The following SEMA3A variants were observed in gnomAD, a reference collection of about 807,000 sequenced individuals.
SEMA3A encodes semaphorin-3A.
In SEMA3A, 29 loss-of-function variants were observed where a neutral mutation model predicts 97.9. That is an observed-to-expected ratio of 0.30 (90% CI 0.22 to 0.40). The LOEUF (loss-of-function observed/expected upper bound fraction) is 0.40, where lower values mean the gene tolerates loss of function less well. SEMA3A is among the 10% of genes least tolerant of loss of function. The pLI is 1.00. For synonymous variants in SEMA3A, 321 were observed against 323.7 expected, an observed-to-expected ratio of 0.99 and a Z score of 0.09; for missense variants, 763 against 951.3, an observed-to-expected ratio of 0.80 and a Z score of 2.60.
At chr7:84,450,485 G>C (rs1415423372) in intron 1 of SEMA3A, among the ~76,000 whole-genome samples, 2 of 152,196 alleles carry the variant, frequency 1.3e-5, no homozygotes, top group African/African-American at 4.8e-5. Context: ...ATAAAATGCA[G>C]AGCTTAGTGC....
At chr7:84,208,714 G>C (rs1163524559) in intron 3 of SEMA3A, among the ~76,000 whole-genome samples, 2 of 152,104 alleles carry the variant, frequency 1.3e-5, no homozygotes, top group African/African-American at 2.4e-5. Context: ...AGCGATTTCT[G>C]GCATCTTAAG....
At chr7:84,297,183 G>C (rs534789078) in intron 3 of SEMA3A, among the ~76,000 whole-genome samples, 1 of 152,136 alleles carries the variant, frequency 6.6e-6, no homozygotes, top group Admixed American at 6.5e-5. Context: ...CACTATTTTG[G>C]TCAGGCTGGT....
chr7:84,143,302 G>A (rs1048502558), intron 1 of SEMA3A, among the ~76,000 whole-genome samples: 1 of 151,922 alleles, frequency 6.6e-6, no homozygotes, highest in Non-Finnish European at 1.5e-5. Flanking sequence ...AGTATAAGAG[G>A]AAAATATACA....
At chr7:84,284,682 T>C (rs756958629) in intron 3 of SEMA3A, among the ~76,000 whole-genome samples, 8 of 152,168 alleles carry the variant, frequency 5.3e-5, no homozygotes, top group Non-Finnish European at 8.8e-5. Flanking sequence ...TCTTATGAAC[T>C]GAATGATTTT....
At chr7:84,011,340 T>C (rs1790865965) in intron 7 of SEMA3A, 43 bp from the exon 8 acceptor site, 2 of 1,220,562 alleles carry the variant, frequency 1.6e-6, no homozygotes, top group East Asian at 4.7e-5. Flanking sequence ...TTAATGAAAA[T>C]GATAATTTGA....
chr7:84,040,549 G>T (rs1217085413), intron 6 of SEMA3A, among the ~76,000 whole-genome samples: 2 of 152,064 alleles, frequency 1.3e-5, no homozygotes, highest in Non-Finnish European at 2.9e-5. Context: ...TTGCAAACAG[G>T]CTTCTGTTTT....
At chr7:84,230,351 A>G (rs937268739) in intron 3 of SEMA3A, among the ~76,000 whole-genome samples, 1 of 152,014 alleles carries the variant, frequency 6.6e-6, no homozygotes, top group Non-Finnish European at 1.5e-5. Flanking sequence ...TTTTTAAATC[A>G]ATGTCTGTTG....
At chr7:84,308,731 G>C (rs1161656762) in intron 2 of SEMA3A, among the ~76,000 whole-genome samples, 1 of 152,074 alleles carries the variant, frequency 6.6e-6, no homozygotes, top group Non-Finnish European at 1.5e-5. Flanking sequence ...AAATGGTATT[G>C]ATCAGGAAGC....
At chr7:84,062,638 G>T (rs950854233) in intron 4 of SEMA3A, among the ~76,000 whole-genome samples, 2 of 152,166 alleles carry the variant, frequency 1.3e-5, no homozygotes, top group African/African-American at 4.8e-5. Flanking sequence ...TTCCCTTTCT[G>T]AGTCAAAGAA....
At chr7:84,441,792 T>TAA (rs1281049270) in intron 1 of SEMA3A, among the ~76,000 whole-genome samples, 3 of 152,180 alleles carry the variant, frequency 2.0e-5, no homozygotes, top group Non-Finnish European at 4.4e-5. Context: ...GTAAAATAGA[T>TAA]GTGACTGGTC....
At chr7:84,295,585 C>A (rs1800848331) in intron 3 of SEMA3A, among the ~76,000 whole-genome samples, 1 of 151,856 alleles carries the variant, frequency 6.6e-6, no homozygotes, top group Non-Finnish European at 1.5e-5. Flanking sequence ...ATTCTTTCGT[C>A]CTTATACTTA....
intron 1 of SEMA3A, among the ~76,000 whole-genome samples, chr7:84,184,281 A>G (rs1186043363): frequency 6.6e-6 from 1 of 152,158 alleles, no homozygotes; most frequent in East Asian, 1.9e-4. Context: ...AGATGTCTGT[A>G]TATTAGAATG....
At chr7:84,364,273 T>C (rs1403501863) in intron 2 of SEMA3A, among the ~76,000 whole-genome samples, 2 of 151,736 alleles carry the variant, frequency 1.3e-5, no homozygotes, top group Non-Finnish European at 2.9e-5. Context: ...ACATAATCCT[T>C]AGTCATATTC....
intron 4 of SEMA3A, among the ~76,000 whole-genome samples, chr7:84,095,320 CATTATATAT>C (rs1183889725): frequency 1.5e-5 from 2 of 132,822 alleles, no homozygotes; most frequent in African/African-American, 6.0e-5. Flanking sequence ...TTATATATGG[CATTATATAT>C]ATTATATATA....
At chr7:84,385,390 T>C (rs1001603766) in intron 1 of SEMA3A, among the ~76,000 whole-genome samples, 1 of 152,214 alleles carries the variant, frequency 6.6e-6, no homozygotes, top group Non-Finnish European at 1.5e-5. Flanking sequence ...TGTCCTCTAC[T>C]TGGAGTCCAA....
upstream of SEMA3A, among the ~76,000 whole-genome samples, chr7:84,196,162 A>G (rs773521584): frequency 5.5e-5 from 8 of 144,188 alleles, no homozygotes; most frequent in Non-Finnish European, 1.2e-4. Flanking sequence ...CTTGGAATCC[A>G]GAGACTCAAC....
chr7:84,156,314 T>C (rs1454661612), intron 1 of SEMA3A, among the ~76,000 whole-genome samples: 1 of 152,114 alleles, frequency 6.6e-6, no homozygotes, highest in Non-Finnish European at 1.5e-5. Flanking sequence ...AAATTTGAAG[T>C]CTCCACTGGT....
At position 83,959,124 on chromosome 7, in the gene SEMA3A, C is replaced by T. The variant is rs188663891; in HGVS notation, c.*2247G>A. ...GTGTAACTTTTAATTGAAGTCGAGA[C>T]TTTTTTCTATTGTCATTTCATAACA... On this transcript the variant is annotated 3_prime_UTR_variant, in exon 17 of 17. Transcript: ENST00000265362. 2.0e-5 allele frequency: 3 copies of T among 152,026 alleles called. No individual in the cohort carries two copies. Among genetic ancestry groups the T allele is most frequent in the African/African-American group, 4.8e-5 (2 of 41,544 alleles). 9.4% of individuals were successfully genotyped at this position (152,026 alleles called of 1,614,324 possible).
chr7:84,210,971 A>C (rs565453540), intron 3 of SEMA3A, among the ~76,000 whole-genome samples: 1 of 152,286 alleles, frequency 6.6e-6, no homozygotes, highest in Non-Finnish European at 1.5e-5. Context: ...GTTAGCACTT[A>C]GACAAGATAT....
Sources: gnomAD v4.1 joint callset for allele counts (sites outside exome capture counted in the v4.1 genomes callset) on GRCh38, gnomAD v4.1.1 for gene constraint, MANE v1.5 for transcripts, NCBI Gene and HGNC (gene_info 2026-07-23, HGNC 2026-07-21) for gene names.